The following BMP6 variants were observed in gnomAD, a reference collection of about 807,000 sequenced individuals.
BMP6 encodes the protein VG-1-R.
A neutral mutation model predicts 54.1 loss-of-function variants in BMP6; 17 were observed. The ratio of observed to expected loss-of-function variants is 0.31; its 90% CI spans 0.22 to 0.47. BMP6 has a LOEUF of 0.47. Among genes scored for constraint, BMP6 ranks in the 20% least tolerant of loss-of-function variants. The pLI is 1.00. For missense variants in BMP6, 720 were observed against 690.4 expected, an observed-to-expected ratio of 1.04 and a Z score of -0.48; for synonymous variants, 328 against 291.2, an observed-to-expected ratio of 1.13 and a Z score of -1.28.
intron 1 of BMP6, among the ~76,000 whole-genome samples, chr6:7,839,998 A>G (rs1252100042): frequency 1.3e-5 from 2 of 152,164 alleles, no homozygotes; most frequent in Admixed American, 6.5e-5. Context: ...ATACATCTCT[A>G]TGAAGTAGGG....
chr6:7,795,214 A>C (rs557603191), intron 1 of BMP6, among the ~76,000 whole-genome samples: 77 of 152,186 alleles, frequency 5.1e-4, no homozygotes, highest in African/African-American at 1.8e-3. Flanking sequence ...AGGGCAGACA[A>C]TTTTCATTCA....
At chr6:7,789,779 T>C (rs1417518167) in intron 1 of BMP6, among the ~76,000 whole-genome samples, 1 of 152,098 alleles carries the variant, frequency 6.6e-6, no homozygotes, top group East Asian at 1.9e-4. Context: ...TGAATGACCC[T>C]CCTATCCTTT....
intron 4 of BMP6, among the ~76,000 whole-genome samples, chr6:7,867,700 A>C (rs1288630420): frequency 6.6e-6 from 1 of 152,222 alleles, no homozygotes; most frequent in African/African-American, 2.4e-5. Context: ...AGTTTGGTTC[A>C]GGGCTTCCTA....
intron 4 of BMP6, among the ~76,000 whole-genome samples, chr6:7,878,567 C>T (rs932062760): frequency 1.3e-5 from 2 of 152,224 alleles, no homozygotes; most frequent in South Asian, 2.1e-4. Context: ...CCCTCTCCCC[C>T]GTTCCTGGGC....
chr6:7,730,467 T>C (rs1315070183), intron 1 of BMP6, among the ~76,000 whole-genome samples: 1 of 152,168 alleles, frequency 6.6e-6, no homozygotes, highest in Admixed American at 6.5e-5. Flanking sequence ...GTACAAGTTA[T>C]AGCTACTGTA....
At chr6:7,817,535 G>A (rs1268900405) in intron 1 of BMP6, among the ~76,000 whole-genome samples, 1 of 145,208 alleles carries the variant, frequency 6.9e-6, no homozygotes, top group African/African-American at 2.5e-5. Flanking sequence ...GAGAACACTT[G>A]GACACAGGGC....
intron 1 of BMP6, among the ~76,000 whole-genome samples, chr6:7,789,983 G>T (rs1758071223): frequency 6.6e-6 from 1 of 152,130 alleles, no homozygotes; most frequent in Admixed American, 6.5e-5. Flanking sequence ...TGCTGCAGGA[G>T]CAGGCTGGCT....
intron 1 of BMP6, among the ~76,000 whole-genome samples, chr6:7,809,470 T>C (rs1049277196): frequency 1.3e-5 from 2 of 152,222 alleles, no homozygotes; most frequent in Admixed American, 1.3e-4. Context: ...GTAAAAAGAA[T>C]GCGTAGCATG....
intron 1 of BMP6, among the ~76,000 whole-genome samples, chr6:7,787,160 G>C (rs753891655): frequency 6.6e-6 from 1 of 152,216 alleles, no homozygotes; most frequent in Non-Finnish European, 1.5e-5. Flanking sequence ...TAAAGAGTTT[G>C]GGAGATCATT....
intron 1 of BMP6, among the ~76,000 whole-genome samples, chr6:7,773,613 A>C (rs561709275): frequency 1.3e-5 from 2 of 152,256 alleles, no homozygotes; most frequent in African/African-American, 2.4e-5. Flanking sequence ...ATTTTCTTTC[A>C]GAAAAAGCAT....
chr6:7,798,117 T>TG (rs1758217506), intron 1 of BMP6, among the ~76,000 whole-genome samples: 1 of 152,196 alleles, frequency 6.6e-6, no homozygotes. Context: ...TGGTGGGGTG[T>TG]GAAGTACCAA....
rs138440771 is a variant in BMP6, at chr6:7,880,802, G to T, written c.*459G>T. 7.5e-5 allele frequency: 14 copies of T among 186,936 alleles called. No homozygotes were observed. In the East Asian group the frequency reaches 1.1e-3, roughly 15 times the overall value. The allele number at this position is 186,936 out of a possible 1,614,324, so 11.6% of individuals were successfully genotyped here. On this transcript the variant is annotated 3_prime_UTR_variant, in exon 7 of 7. Coordinates refer to ENST00000283147, the MANE Select transcript of BMP6 (RefSeq NM_001718.6). ...TACAGAGAACAGAAATCGGGGAAGT[G>T]GGGGGAACGCCTCTGTTCAGTTCAT...
intron 1 of BMP6, among the ~76,000 whole-genome samples, chr6:7,729,791 G>T (rs1761819659): frequency 6.6e-6 from 1 of 152,114 alleles, no homozygotes; most frequent in African/African-American, 2.4e-5. Flanking sequence ...AGGTAGGGGG[G>T]AACGCCTTAA....
intron 1 of BMP6, among the ~76,000 whole-genome samples, chr6:7,821,494 A>G (rs959454726): frequency 6.6e-6 from 1 of 152,112 alleles, no homozygotes; most frequent in Non-Finnish European, 1.5e-5. Flanking sequence ...GCATCGTGAA[A>G]CCCCATCTCT....
Position 7,851,443 on chromosome 6 carries a change from A to G in BMP6, c.857+6111A>G, listed in dbSNP as rs139143297. On this transcript the variant is annotated intron_variant, in intron 2 of 6. Coordinates refer to ENST00000283147, the MANE Select transcript of BMP6 (RefSeq NM_001718.6). ...TAGCATACCATTGATTTTAATTTGT[A>G]TCCAGCAACCTTGCAAATTTACATG... is the stretch of plus-strand genomic sequence containing the variant. Among the ~76,000 whole-genome samples the G allele has an allele frequency of 1.2e-4, 18 of 152,344 alleles. No homozygotes were observed. The East Asian group carries it at 2.7e-3, about 23-fold the overall frequency.
At chr6:7,873,646 C>A (rs889475177) in intron 4 of BMP6, among the ~76,000 whole-genome samples, 3 of 152,070 alleles carry the variant, frequency 2.0e-5, no homozygotes, top group African/African-American at 7.2e-5. Context: ...TGGTAACTAG[C>A]CCCCATCCTG....
chr6:7,862,455 C>T lies in BMP6; in HGVS notation c.1161C>T (p.Arg387=), dbSNP rs149074654. The T allele has an allele frequency of 1.1e-5, 18 of 1,614,086 alleles. No homozygotes were observed. Among genetic ancestry groups the T allele is most frequent in the Admixed American group, 1.7e-5 (1 of 60,010 alleles). The part of the protein sequence containing the change: ...SSRRRQQSRN[R]STQSQDVARV... ...GGCGCCGACAACAGAGTCGTAATCGCTCTACCCAGTCCCAGGACGTGGCGC... is the reference window on the plus strand; with the variant it reads ...GGCGCCGACAACAGAGTCGTAATCGTTCTACCCAGTCCCAGGACGTGGCGC... The change falls in exon 4 of 7, where the codon CGC becomes CGT. Residue 387 remains arginine, a synonymous_variant. Transcript: ENST00000283147.
At position 7,861,581 on chromosome 6, in the gene BMP6, A is replaced by G. The variant is rs1759335949; in HGVS notation, c.988A>G (p.Ser330Gly). ...TPQHNMGLQL[S>G]VVTRDGVHVH... is the part of the protein sequence containing the mutation. ...ACAGCATAACATGGGGCTTCAGCTG[A>G]GCGTGGTGACAAGGGATGGTAAGTT... Residue 330 changes from serine (S) to glycine (G), a missense_variant, in exon 3 of 7, where the codon AGC (serine) becomes GGC (glycine). Around this residue, in one of 3 missense-constraint regions of BMP6, gnomAD observed 650 missense variants for 556.3 expected, o/e 1.17. Coordinates refer to ENST00000283147, the MANE Select transcript of BMP6 (RefSeq NM_001718.6). 1.2e-6 allele frequency: 2 copies of G among 1,614,056 alleles called. No individual in the cohort carries two copies.
chr6:7,783,298 A>G (rs1757974603), intron 1 of BMP6, among the ~76,000 whole-genome samples: 1 of 152,248 alleles, frequency 6.6e-6, no homozygotes, highest in Non-Finnish European at 1.5e-5. Context: ...TATCTTCTCC[A>G]TAAGACTGTT....
Sources: allele counts gnomAD v4.1 joint callset (sites outside exome capture counted in the v4.1 genomes callset), GRCh38; gene constraint gnomAD v4.1.1; regional missense constraint gnomAD v4.1.1; transcripts MANE v1.5; gene names NCBI Gene and HGNC (gene_info 2026-07-23, HGNC 2026-07-21).